The following JMJD7 variants were observed in gnomAD, a reference collection of about 807,000 sequenced individuals.
JMJD7 encodes the protein bifunctional peptidase and (3S)-lysyl hydroxylase JMJD7.
In JMJD7, 41 loss-of-function variants were observed where a neutral mutation model predicts 41.1. The ratio of observed to expected loss-of-function variants is 1.00; its 90% CI spans 0.78 to 1.30. The LOEUF (loss-of-function observed/expected upper bound fraction) is 1.30. JMJD7 is among the 50% of genes most tolerant of loss of function. JMJD7 has a pLI of 0.00. For missense variants in JMJD7, 480 were observed against 420.7 expected (o/e 1.14, Z -1.23); for synonymous variants, 202 against 177.2 (o/e 1.14, Z -1.11).
chr15:41,834,878 C>T lies in JMJD7; in HGVS notation c.203C>T (p.Ser68Phe). 5 of 1,613,992 alleles carry T rather than the reference C, an allele frequency of 3.1e-6. No homozygotes were observed. Among genetic ancestry groups the T allele is most frequent in the Non-Finnish European group, 4.2e-6 (5 of 1,179,892 alleles). The part of the protein sequence containing the change: ...LQHWPALQKW[S>F]LPYFRATVGS... ...CACTGGCCGGCCCTCCAGAAGTGGTCCCTCCCCTATTTCAGGTGGGAGCTG... is the reference window on the plus strand; with the variant it reads ...CACTGGCCGGCCCTCCAGAAGTGGTTCCTCCCCTATTTCAGGTGGGAGCTG... Residue 68 changes from serine to phenylalanine, a missense_variant, in exon 2 of 8, where the codon TCC becomes TTC. Ser to Phe is a radical substitution (Grantham distance 155). Coordinates refer to ENST00000397299, the MANE Select transcript of JMJD7 (RefSeq NM_001114632.2).
At position 41,836,913 on chromosome 15, in the gene JMJD7, G is replaced by A. The variant is rs372828024; in HGVS notation, c.835G>A (p.Val279Ile). ...TCTGCCGGCTCTGTGGTTCCACCAC[G>A]TCCAGCAGTCCCAGGGCTGCATCGC... is the stretch of plus-strand genomic sequence containing the variant. ...LYLPALWFHHVQQSQGCIAVN... is the reference protein window; with the variant it reads ...LYLPALWFHHIQQSQGCIAVN... The change falls in exon 7 of 8, where the codon GTC becomes ATC. Residue 279 changes from valine to isoleucine, a missense_variant. Transcript: ENST00000397299. The A allele has an allele frequency of 1.7e-5, 27 of 1,613,352 alleles. No homozygotes were observed. Among genetic ancestry groups the A allele is most frequent in the African/African-American group, 1.5e-4 (11 of 74,924 alleles).
At chr15:41,833,815 T>G (rs943779521) in intron 1 of JMJD7, among the ~76,000 whole-genome samples, 13 of 151,994 alleles carry the variant, frequency 8.6e-5, no homozygotes, top group African/African-American at 3.1e-4. Flanking sequence ...GATTATAAAT[T>G]TAGAAAGTAT....
chr15:41,834,589 C>A (rs1223809843), intron 1 of JMJD7, 151 bp from the exon 2 acceptor site: 62 of 1,166,440 alleles, frequency 5.3e-5, no homozygotes, highest in Non-Finnish European at 7.3e-5. Context: ...CCGTCCTCAT[C>A]TTTCTATTAC....
Position 41,835,089 on chromosome 15 carries a change from T to G in JMJD7, c.338T>G (p.Leu113Arg). 1 of 1,613,394 alleles carries G rather than the reference T, an allele frequency of 6.2e-7. No individual in the cohort carries two copies. Among genetic ancestry groups the G allele is most frequent in the Non-Finnish European group, 8.5e-7 (1 of 1,179,876 alleles). ...CGCCGCCTGCCCCTGAGCTTCGTGC[T>G]GGATGTGCTGGAGGGCCGGGCCCAG... Reference protein sequence around the residue: ...AERRLPLSFVLDVLEGRAQHP... With the variant: ...AERRLPLSFVRDVLEGRAQHP... Residue 113 changes from leucine to arginine, a missense_variant, in exon 3 of 8, where the codon CTG (leucine) becomes CGG (arginine). Leu to Arg is a moderately radical substitution (Grantham distance 102). Coordinates refer to ENST00000397299, the MANE Select transcript of JMJD7 (RefSeq NM_001114632.2).
chr15:41,835,521 G>C, intron 3 of JMJD7, 67 bp from the exon 4 acceptor site: 1 of 1,575,912 alleles, frequency 6.3e-7, no homozygotes. Context: ...TTTGGCTCTG[G>C]CATCACTGGA....
rs555191376 is a variant in JMJD7 at position 41,828,118 on chromosome 15, C to A, written c.-7C>A. ...AAGGCGGGGTCTCGGCCGGCGCTGA[C>A]GCAGCCATGGCGGAGGCGGCTTTGG... On this transcript the variant is annotated 5_prime_UTR_variant, in exon 1 of 8. Coordinates refer to ENST00000397299, the MANE Select transcript of JMJD7 (RefSeq NM_001114632.2). 3.4e-6 allele frequency: 5 copies of A among 1,451,120 alleles called. No homozygotes were observed. In the East Asian group the frequency reaches 1.1e-4, roughly 32 times the overall value. The allele number at this position is 1,451,120 out of a possible 1,614,324, so 89.9% of individuals were successfully genotyped here.
intron 1 of JMJD7, 140 bp downstream of exon 1, chr15:41,828,328 TTCCCTTCTCCCGTGTTCGCGCGC>T: frequency 9.6e-7 from 1 of 1,042,746 alleles, no homozygotes. Context: ...GGCAACCTGC[TTCCCTTCTCCCGTGTTCGCGCGC>T]TCCCGCGGCT....
At chr15:41,833,414 A>ATATATATATATATATATATATATAT (rs1239528383) in intron 1 of JMJD7, among the ~76,000 whole-genome samples, 1 of 32,012 alleles carries the variant, frequency 3.1e-5, no homozygotes, top group Non-Finnish European at 6.1e-5. Flanking sequence ...ATATATATAT[A>ATATATATATATATATATATATATAT]TTTTTTTTTT....
At chr15:41,833,542 T>C (rs533416468) in intron 1 of JMJD7, among the ~76,000 whole-genome samples, 1,593 of 150,350 alleles carry the variant, frequency 0.011, 20 homozygotes, top group Non-Finnish European at 0.018. Flanking sequence ...GGCTTCAGCC[T>C]CTAGCGTAGC....
intron 5 of JMJD7, 64 bp downstream of exon 5, chr15:41,836,307 A>G (rs1255207989): frequency 6.2e-7 from 1 of 1,601,194 alleles, no homozygotes; most frequent in Non-Finnish European, 8.5e-7. Flanking sequence ...GGGAGGCAGC[A>G]AGAGCCTGGG....
chr15:41,828,257 CG>C, intron 1 of JMJD7, 69 bp downstream of exon 1: 10 of 1,443,990 alleles, frequency 6.9e-6, no homozygotes, highest in Admixed American at 7.0e-5. Flanking sequence ...CCGCTGACAC[CG>C]GGGGCTCGGA....
chr15:41,836,387 C>T (rs538808380), intron 5 of JMJD7, 88 bp from the exon 6 acceptor site: 242 of 1,557,276 alleles, frequency 1.6e-4, no homozygotes, highest in Non-Finnish European at 2.0e-4. Flanking sequence ...TCCCCTTGCC[C>T]CTGCCCAGGG....
chr15:41,833,615 C>G (rs2065266102), intron 1 of JMJD7, among the ~76,000 whole-genome samples: 1 of 151,062 alleles, frequency 6.6e-6, no homozygotes, highest in East Asian at 1.9e-4. Flanking sequence ...GAGATGGGGT[C>G]TCCCTACGTT....
Position 41,834,904 on chromosome 15 carries a change from C to T in JMJD7, c.218+11C>T, listed in dbSNP as rs779337927. The T allele has an allele frequency of 8.7e-6, 14 of 1,613,794 alleles. No individual in the cohort carries two copies. The highest frequency in any genetic ancestry group is 2.2e-5 in the East Asian group (1 of 44,884). The stretch of plus-strand genomic sequence containing the variant: ...CCTCCCCTATTTCAGGTGGGAGCTG[C>T]CCTGGGGTCAGGTGTGAGCAGTGAT... On this transcript the variant is annotated intron_variant, in intron 2 of 7. Coordinates refer to ENST00000397299, the MANE Select transcript of JMJD7 (RefSeq NM_001114632.2).
At chr15:41,834,048 C>T (rs146828754) in intron 1 of JMJD7, among the ~76,000 whole-genome samples, 82 of 152,274 alleles carry the variant, frequency 5.4e-4, no homozygotes, top group Admixed American at 1.9e-3. Context: ...TAGACCCCTG[C>T]GCAGGCGGCA....
At chr15:41,833,271 T>C (rs1362811677) in intron 1 of JMJD7, among the ~76,000 whole-genome samples, 3 of 151,750 alleles carry the variant, frequency 2.0e-5, no homozygotes, top group African/African-American at 7.3e-5. Context: ...GCACATGCTA[T>C]GTGCTAGGTA....
At position 41,828,158 on chromosome 15, in the gene JMJD7, G is replaced by A. The variant is rs747285917; in HGVS notation, c.34G>A (p.Glu12Lys). The change falls in exon 1 of 8, where the codon GAG (glutamate) becomes AAG (lysine). Residue 12 changes from glutamate (E) to lysine (K), a missense_variant. Coordinates refer to ENST00000397299, the MANE Select transcript of JMJD7 (RefSeq NM_001114632.2). ...GGCGGCTTTGGAAGCCGTGCGGAGC[G>A]AGTTACGAGAATTCCCGGCCGCTGC... ...AEAALEAVRS[E>K]LREFPAAARE... 2 of 1,489,774 alleles carry A rather than the reference G, an allele frequency of 1.3e-6. No individual in the cohort carries two copies. Among genetic ancestry groups the A allele is most frequent in the Admixed American group, 2.9e-5 (1 of 34,836 alleles). 92.3% of individuals were successfully genotyped at this position (1,489,774 alleles called of 1,614,324 possible).
At chr15:41,828,309 C>T (rs1265368543) in intron 1 of JMJD7, 121 bp downstream of exon 1, 2 of 1,243,054 alleles carry the variant, frequency 1.6e-6, no homozygotes, top group Non-Finnish European at 2.1e-6. Flanking sequence ...GCTCGGGTTG[C>T]TCTTCTGTGG....
In JMJD7 at chr15:41,836,873, C is replaced by T. The variant is rs760773482; in HGVS notation, c.795C>T (p.Ala265=). ...QAQALRCTVR[A]GEMLYLPALW... is the part of the protein sequence containing the mutation. ...AGGCCCTTCGCTGCACGGTGCGGGC[C>T]GGTGAGATGCTCTATCTGCCGGCTC... Residue 265 remains alanine (A), a synonymous_variant, in exon 7 of 8, where the codon GCC becomes GCT. Coordinates refer to ENST00000397299, the MANE Select transcript of JMJD7 (RefSeq NM_001114632.2). 39 of 1,613,244 alleles carry T rather than the reference C, an allele frequency of 2.4e-5. No homozygotes were observed. The highest frequency in any genetic ancestry group is 7.7e-5 in the South Asian group (7 of 91,070).
Sources: gnomAD v4.1 joint callset for allele counts (sites outside exome capture counted in the v4.1 genomes callset) on GRCh38, gnomAD v4.1.1 for gene constraint, MANE v1.5 for transcripts, NCBI Gene and HGNC (gene_info 2026-07-23, HGNC 2026-07-21) for gene names.